The following MCMBP variants were observed in gnomAD, a reference collection of about 807,000 sequenced individuals.
The protein encoded by MCMBP is mini-chromosome maintenance complex-binding protein.
Under a neutral mutation model 81.3 loss-of-function variants are expected in MCMBP, and 31 were observed. The observed-to-expected ratio is 0.38, with a 90% confidence interval of 0.29 to 0.51. The LOEUF is 0.51. Ranked by LOEUF, MCMBP falls within the 20% of genes least tolerant of loss-of-function variation. MCMBP has a pLI of 0.87. For synonymous variants in MCMBP, 267 were observed against 275.9 expected (o/e 0.97, Z 0.32); for missense variants, 645 against 772.1 (o/e 0.84, Z 1.95).
At chr10:119,850,873 TG>T (rs1347815647) in intron 6 of MCMBP, among the ~76,000 whole-genome samples, 5 of 138,556 alleles carry the variant, frequency 3.6e-5, no homozygotes, top group Non-Finnish European at 8.0e-5. Context: ...ATACAAGATC[TG>T]TTTTTTTTTT....
At chr10:119,869,435 G>A (rs1194295542) in intron 1 of MCMBP, among the ~76,000 whole-genome samples, 1 of 152,196 alleles carries the variant, frequency 6.6e-6, no homozygotes, top group Non-Finnish European at 1.5e-5. Flanking sequence ...AGCTGGGCAT[G>A]GTGGCATGCA....
At chr10:119,857,151 T>C (rs1317539602) in intron 5 of MCMBP, among the ~76,000 whole-genome samples, 187 bp downstream of exon 5, 1 of 149,674 alleles carries the variant, frequency 6.7e-6, no homozygotes, top group East Asian at 1.9e-4. Context: ...AGTATTTCAC[T>C]ATAGGAATGT....
chr10:119,869,890 A>C (rs1320283697), intron 1 of MCMBP, among the ~76,000 whole-genome samples: 1 of 152,266 alleles, frequency 6.6e-6, no homozygotes, highest in Non-Finnish European at 1.5e-5. Context: ...TGCTGTACAG[A>C]GAACTTCCTG....
intron 6 of MCMBP, among the ~76,000 whole-genome samples, chr10:119,850,214 T>C (rs1408193375): frequency 6.6e-6 from 1 of 152,124 alleles, no homozygotes; most frequent in Admixed American, 6.6e-5. Context: ...CTCAAGGGAA[T>C]TGTGCTGAAG....
chr10:119,871,712 T>C (rs1853681031), intron 1 of MCMBP, among the ~76,000 whole-genome samples: 2 of 152,202 alleles, frequency 1.3e-5, no homozygotes, highest in Non-Finnish European at 2.9e-5. Flanking sequence ...TCTACAGTGA[T>C]TTCTAGCTGG....
chr10:119,870,153 G>A (rs1171992874), intron 1 of MCMBP, among the ~76,000 whole-genome samples: 1 of 152,168 alleles, frequency 6.6e-6, no homozygotes, highest in Non-Finnish European at 1.5e-5. Context: ...AGTAAGAAAG[G>A]GAAAAATTCA....
intron 5 of MCMBP, among the ~76,000 whole-genome samples, chr10:119,854,656 T>TA (rs1272022771): frequency 5.1e-4 from 77 of 149,700 alleles, no homozygotes; most frequent in Non-Finnish European, 1.0e-3. Context: ...GATCTGTATT[T>TA]AAAAAAAAAA....
At chr10:119,863,554 C>T (rs1262076133) in intron 1 of MCMBP, among the ~76,000 whole-genome samples, 1 of 151,068 alleles carries the variant, frequency 6.6e-6, no homozygotes, top group African/African-American at 2.4e-5. Flanking sequence ...CATGGCAAAC[C>T]CCCGTCTCTA....
chr10:119,863,793 G>C (rs1853351160), intron 1 of MCMBP, among the ~76,000 whole-genome samples: 1 of 122,810 alleles, frequency 8.1e-6, no homozygotes, highest in East Asian at 2.4e-4. Context: ...AATAAACCTT[G>C]AAAACATTAT....
intron 1 of MCMBP, among the ~76,000 whole-genome samples, chr10:119,866,872 AG>A (rs557037599): frequency 8.9e-4 from 136 of 152,280 alleles, no homozygotes; most frequent in African/African-American, 3.2e-3. Context: ...CTGAGGCAGT[AG>A]AACTGCTTGA....
At chr10:119,863,683 C>T (rs369857921) in intron 1 of MCMBP, among the ~76,000 whole-genome samples, 55 of 114,876 alleles carry the variant, frequency 4.8e-4, no homozygotes, top group African/African-American at 1.7e-3. Context: ...GAGCTGAGAT[C>T]GCACCACTGC....
At chr10:119,848,632 C>G (rs540004104) in intron 7 of MCMBP, among the ~76,000 whole-genome samples, 6 of 151,794 alleles carry the variant, frequency 4.0e-5, no homozygotes, top group Admixed American at 6.6e-5. Flanking sequence ...CAAAAAAACC[C>G]CCCAAAAACA....
rs1312371563 is a variant in MCMBP at position 119,850,846 on chromosome 10, A to T, written c.575-1270T>A. On this transcript the variant is annotated intron_variant, in intron 6 of 15. Transcript: ENST00000369077. ...TACGTAAGGTATTACCACTGGGGGA[A>T]GTAGAGGCTAAAAGGTATACAAGAT... Among the ~76,000 whole-genome samples the T allele has an allele frequency of 1.5e-4, 22 of 150,384 alleles. 1 individual carries two copies. Among genetic ancestry groups the T allele is most frequent in the Non-Finnish European group, 1.5e-5 (1 of 67,498 alleles).
intron 11 of MCMBP, among the ~76,000 whole-genome samples, chr10:119,839,320 G>T (rs1157493732): frequency 6.6e-6 from 1 of 152,132 alleles, no homozygotes; most frequent in African/African-American, 2.4e-5. Context: ...CACCCTCTGT[G>T]CTCTGCCTTA....
At chr10:119,852,664 G>C (rs1852875289) in intron 6 of MCMBP, among the ~76,000 whole-genome samples, 1 of 152,234 alleles carries the variant, frequency 6.6e-6, no homozygotes, top group African/African-American at 2.4e-5. Flanking sequence ...GGTGATGGGA[G>C]TGAAACCCTG....
chr10:119,842,065 C>G (rs540011361), intron 10 of MCMBP, among the ~76,000 whole-genome samples: 2 of 152,172 alleles, frequency 1.3e-5, no homozygotes, highest in South Asian at 4.1e-4. Flanking sequence ...CAGACTCTCA[C>G]AGGAGCGCGA....
chr10:119,844,680 C>A (rs992165672), intron 8 of MCMBP, among the ~76,000 whole-genome samples: 6 of 152,100 alleles, frequency 3.9e-5, no homozygotes, highest in Non-Finnish European at 8.8e-5. Flanking sequence ...TTTGAGTCAG[C>A]GGGCTGGGAG....
Position 119,832,062 on chromosome 10 carries a change from G to T in MCMBP, c.1746C>A (p.Asp582Glu). 1.2e-6 allele frequency: 2 copies of T among 1,613,394 alleles called. No individual in the cohort carries two copies. The highest frequency in any genetic ancestry group is 1.7e-6 in the Non-Finnish European group (2 of 1,179,826). Residue 582 changes from aspartate to glutamate, a missense_variant, in exon 15 of 16, where the codon GAC (aspartate) becomes GAA (glutamate). Coordinates refer to ENST00000369077, the MANE Select transcript of MCMBP (RefSeq NM_001256378.2). ...GATCATCAGCAGTGATGCTCTGAGG[G>T]TCGTTCTTCCGCATTTCCACAAAGT... is the stretch of plus-strand genomic sequence containing the variant. ...EDDFVEMRKN[D>E]PQSITADDLH...
At position 119,831,998 on chromosome 10, in the gene MCMBP, C is replaced by T. The variant is rs777356587; in HGVS notation, c.1796+14G>A. 80 of 1,602,910 alleles carry T rather than the reference C, an allele frequency of 5.0e-5. No individual in the cohort carries two copies. Among genetic ancestry groups the T allele is most frequent in the African/African-American group, 1.3e-4 (10 of 74,364 alleles). ...AGCTTACCGAAACAGCAATAATGGA[C>T]GTGCGCCACTTACCGAGCCACCACG... On this transcript the variant is annotated intron_variant, in intron 15 of 15. Coordinates refer to ENST00000369077, the MANE Select transcript of MCMBP (RefSeq NM_001256378.2).
Sources: gnomAD v4.1 joint callset for allele counts (sites outside exome capture counted in the v4.1 genomes callset) on GRCh38, gnomAD v4.1.1 for gene constraint, MANE v1.5 for transcripts, NCBI Gene and HGNC (gene_info 2026-07-23, HGNC 2026-07-21) for gene names.